The following PLCB1 variants were observed in gnomAD, a reference collection of about 807,000 sequenced individuals.
PLCB1 encodes the protein phospholipase C beta 1.
In PLCB1, 46 loss-of-function variants were observed where a neutral mutation model predicts 161.8. The observed-to-expected ratio is 0.28, with a 90% CI of 0.22 to 0.36. The LOEUF (loss-of-function observed/expected upper bound fraction) is 0.36. PLCB1 is among the 10% of genes least tolerant of loss of function. The pLI, the probability that PLCB1 is intolerant of heterozygous loss-of-function variation, is 1.00. For synonymous variants in PLCB1, 517 were observed against 503.7 expected, an observed-to-expected ratio of 1.03 and a Z score of -0.35; for missense variants, 1,016 against 1,472.5, an observed-to-expected ratio of 0.69 and a Z score of 5.07.
intron 31 of PLCB1, among the ~76,000 whole-genome samples, chr20:8,799,716 T>C (rs1318301424): frequency 6.6e-6 from 1 of 152,218 alleles, no homozygotes; most frequent in Admixed American, 6.5e-5. Context: ...TCCCTTGGTA[T>C]CTATGGATGG....
At chr20:8,828,428 C>T (rs76291738) in intron 31 of PLCB1, among the ~76,000 whole-genome samples, 6,176 of 152,220 alleles carry the variant, frequency 0.041, 387 homozygotes, top group African/African-American at 0.14. Context: ...TTCTCTTAGG[C>T]GAATGCCTAA....
At chr20:8,723,089 A>G (rs1470723552) in intron 15 of PLCB1, among the ~76,000 whole-genome samples, 1 of 152,192 alleles carries the variant, frequency 6.6e-6, no homozygotes, top group Non-Finnish European at 1.5e-5. Flanking sequence ...TTCTGTCTCA[A>G]CGCTTGTAGC....
chr20:8,459,419 A>T (rs1981471730), intron 3 of PLCB1, among the ~76,000 whole-genome samples: 1 of 152,144 alleles, frequency 6.6e-6, no homozygotes, highest in African/African-American at 2.4e-5. Flanking sequence ...TTGAACCCCT[A>T]GTCTGCCATG....
At chr20:8,267,195 A>C (rs1982007632) in intron 2 of PLCB1, among the ~76,000 whole-genome samples, 1 of 134,848 alleles carries the variant, frequency 7.4e-6, no homozygotes, top group Non-Finnish European at 1.6e-5. Context: ...AGCAATAATC[A>C]TGCCTTAAGG....
chr20:8,220,749 G>T (rs146351866), intron 2 of PLCB1, among the ~76,000 whole-genome samples: 40 of 152,306 alleles, frequency 2.6e-4, no homozygotes, highest in African/African-American at 9.4e-4. Context: ...AATGTCTGTT[G>T]TTCAAAGTCA....
intron 2 of PLCB1, among the ~76,000 whole-genome samples, chr20:8,229,002 G>A (rs1437836390): frequency 6.6e-6 from 1 of 151,966 alleles, no homozygotes; most frequent in African/African-American, 2.4e-5. Flanking sequence ...TCATCTAGCT[G>A]TAATTTTGTG....
At chr20:8,656,334 T>G (rs1600229705) in intron 7 of PLCB1, among the ~76,000 whole-genome samples, 1 of 152,078 alleles carries the variant, frequency 6.6e-6, no homozygotes, top group African/African-American at 2.4e-5. Flanking sequence ...ACAATAATTT[T>G]TAGACATTTG....
chr20:8,479,913 C>T (rs918837237), intron 3 of PLCB1, among the ~76,000 whole-genome samples: 1 of 152,196 alleles, frequency 6.6e-6, no homozygotes, highest in African/African-American at 2.4e-5. Context: ...TCCATGCAGT[C>T]ATGTCTTAGT....
intron 3 of PLCB1, among the ~76,000 whole-genome samples, chr20:8,377,333 A>G (rs1987120385): frequency 1.3e-5 from 2 of 152,210 alleles, no homozygotes; most frequent in Non-Finnish European, 2.9e-5. Flanking sequence ...TATTTCAGGA[A>G]TAGAGGAAGG....
intron 31 of PLCB1, among the ~76,000 whole-genome samples, chr20:8,828,628 A>T (rs551410840): frequency 6.6e-6 from 1 of 152,322 alleles, no homozygotes; most frequent in African/African-American, 2.4e-5. Flanking sequence ...AGCTATTGAG[A>T]ATTTCTGCAG....
intron 4 of PLCB1, among the ~76,000 whole-genome samples, chr20:8,629,817 TTTTCTTTCTTTCTTTC>T (rs752268619): frequency 5.9e-4 from 57 of 97,040 alleles, no homozygotes; most frequent in African/African-American, 8.0e-4. Context: ...CTTTTCTTTC[TTTTCTTTCTTTCTTTC>T]TTTCTTTCTT....
intron 2 of PLCB1, among the ~76,000 whole-genome samples, chr20:8,274,324 A>G (rs1982426049): frequency 6.6e-6 from 1 of 152,180 alleles, no homozygotes; most frequent in Non-Finnish European, 1.5e-5. Context: ...AGCATATAAA[A>G]TAGTTTTATA....
chr20:8,523,496 CTATATATA>C (rs777011717), intron 3 of PLCB1, among the ~76,000 whole-genome samples: 21 of 51,652 alleles, frequency 4.1e-4, no homozygotes, highest in African/African-American at 1.7e-3. Flanking sequence ...CTCTCTCTCT[CTATATATA>C]TATATATATA....
intron 6 of PLCB1, among the ~76,000 whole-genome samples, chr20:8,648,458 T>G (rs572762518): frequency 5.9e-5 from 9 of 152,308 alleles, no homozygotes; most frequent in African/African-American, 2.2e-4. Flanking sequence ...GTGGGACTGG[T>G]GAGCACCTGA....
chr20:8,732,948 T>C (rs1226663001), intron 18 of PLCB1, among the ~76,000 whole-genome samples: 1 of 150,110 alleles, frequency 6.7e-6, no homozygotes, highest in Non-Finnish European at 1.5e-5. Flanking sequence ...TTGAGACAGC[T>C]GTTATAATTA....
intron 3 of PLCB1, among the ~76,000 whole-genome samples, chr20:8,555,765 CA>C (rs1985932347): frequency 6.6e-6 from 1 of 152,008 alleles, no homozygotes; most frequent in Non-Finnish European, 1.5e-5. Flanking sequence ...AGGGCTTCAT[CA>C]AAACATCTGA....
chr20:8,717,634 C>T lies in PLCB1; in HGVS notation c.1336-37C>T, dbSNP rs760266884. 9 of 1,515,722 alleles carry T rather than the reference C, an allele frequency of 5.9e-6. 1 individual carries two copies. The South Asian group carries it at 9.9e-5, about 17-fold the overall frequency. 93.9% of individuals were successfully genotyped at this position (1,515,722 alleles called of 1,614,324 possible). On this transcript the variant is annotated intron_variant, in intron 13 of 31. Coordinates refer to ENST00000338037, the MANE Select transcript of PLCB1 (RefSeq NM_015192.4). ...TGGGGAGGGGATCTGAAAGAGGGAG[C>T]AGTATTTTTAAAGAATATGCCTTTC...
intron 3 of PLCB1, among the ~76,000 whole-genome samples, chr20:8,538,853 G>T (rs1217086234): frequency 6.7e-6 from 1 of 150,098 alleles, no homozygotes. Context: ...GAGTGCAATG[G>T]TGCCATCTCT....
intron 11 of PLCB1, among the ~76,000 whole-genome samples, chr20:8,703,402 A>T (rs1978480742): frequency 6.6e-6 from 1 of 152,198 alleles, no homozygotes. Context: ...TTATTAAGCC[A>T]GAGTGAAGGT....
Sources: gnomAD v4.1 joint callset for allele counts (sites outside exome capture counted in the v4.1 genomes callset) on GRCh38, gnomAD v4.1.1 for gene constraint, MANE v1.5 for transcripts, NCBI Gene and HGNC (gene_info 2026-07-23, HGNC 2026-07-21) for gene names.